Variants in SLC24A2 observed in about 807,000 individuals in gnomAD.
SLC24A2 encodes the protein solute carrier family 24 member 2, also known as sodium/potassium/calcium exchanger 2.
A neutral mutation model predicts 62.0 loss-of-function variants in SLC24A2; 36 were observed. The ratio of observed to expected loss-of-function variants is 0.58; its 90% CI spans 0.44 to 0.77. SLC24A2 has a LOEUF of 0.77. SLC24A2 is among the 30% of genes least tolerant of loss of function. The pLI, the probability that SLC24A2 is intolerant of heterozygous loss-of-function variation, is 0.00. For missense variants in SLC24A2, 846 were observed against 817.9 expected (o/e 1.03, Z -0.42); for synonymous variants, 358 against 294.0 (o/e 1.22, Z -2.23).
chr9:20,191,631 T>G, the SLC24A2 span, among the ~76,000 whole-genome samples: 1 of 151,408 alleles, frequency 6.6e-6, no homozygotes, highest in African/African-American at 2.4e-5. Context: ...CCTAAGAGAA[T>G]GTTCAGTGTG....
chr9:19,965,396 A>G, the SLC24A2 span, among the ~76,000 whole-genome samples: 1 of 152,148 alleles, frequency 6.6e-6, no homozygotes, highest in South Asian at 2.1e-4. Flanking sequence ...AAAGTATGGG[A>G]GTGGGGATCA....
chr9:19,618,296 A>T (rs1817820481), intron 4 of SLC24A2, among the ~76,000 whole-genome samples: 1 of 152,210 alleles, frequency 6.6e-6, no homozygotes, highest in Admixed American at 6.5e-5. Flanking sequence ...GCTCATGACC[A>T]GGTCTAACAT....
the SLC24A2 span, among the ~76,000 whole-genome samples, chr9:19,985,756 A>G: frequency 5.9e-5 from 9 of 152,268 alleles, no homozygotes; most frequent in African/African-American, 1.4e-4. Flanking sequence ...AAGATGATTT[A>G]CAAAAGCATT....
At chr9:19,952,035 C>G in the SLC24A2 span, among the ~76,000 whole-genome samples, 1 of 151,994 alleles carries the variant, frequency 6.6e-6, no homozygotes, top group Non-Finnish European at 1.5e-5. Flanking sequence ...GTGTGCAAGT[C>G]TTGCAGAATT....
chr9:19,748,439 G>A (rs1451322916), intron 2 of SLC24A2, among the ~76,000 whole-genome samples: 2 of 152,118 alleles, frequency 1.3e-5, no homozygotes, highest in South Asian at 2.1e-4. Context: ...TTGATGTAGT[G>A]GGGTAAGTGG....
intron 2 of SLC24A2, among the ~76,000 whole-genome samples, chr9:19,741,505 T>A (rs921925562): frequency 1.3e-5 from 2 of 152,120 alleles, no homozygotes; most frequent in African/African-American, 4.8e-5. Context: ...GCTGAGCAGC[T>A]CCCTCCTCAA....
intron 7 of SLC24A2, among the ~76,000 whole-genome samples, chr9:19,561,207 G>A (rs1835381759): frequency 6.6e-6 from 1 of 152,086 alleles, no homozygotes; most frequent in Non-Finnish European, 1.5e-5. Context: ...TGGGATTACA[G>A]GCGTGAGCCA....
the SLC24A2 span, among the ~76,000 whole-genome samples, chr9:19,825,744 A>AT: frequency 6.8e-3 from 1,020 of 150,826 alleles, 14 homozygotes; most frequent in African/African-American, 0.022. Flanking sequence ...ACTAGAACAG[A>AT]TTTTTTTTTT....
At chr9:19,764,769 AT>A (rs1258457516) in intron 2 of SLC24A2, among the ~76,000 whole-genome samples, 1 of 152,166 alleles carries the variant, frequency 6.6e-6, no homozygotes, top group Non-Finnish European at 1.5e-5. Context: ...AAGAATGTGT[AT>A]TCTGTTGATC....
intron 7 of SLC24A2, among the ~76,000 whole-genome samples, chr9:19,568,237 G>A (rs907477266): frequency 6.6e-6 from 1 of 152,162 alleles, no homozygotes; most frequent in Non-Finnish European, 1.5e-5. Flanking sequence ...TGACTCTGGA[G>A]GCCCAGCCCT....
At chr9:19,778,062 G>A (rs1220519916) in intron 2 of SLC24A2, among the ~76,000 whole-genome samples, 2 of 152,140 alleles carry the variant, frequency 1.3e-5, no homozygotes, top group Non-Finnish European at 2.9e-5. Context: ...TAAACATTGA[G>A]AGAATGCCAT....
intron 7 of SLC24A2, among the ~76,000 whole-genome samples, chr9:19,558,804 T>C (rs1835240465): frequency 6.6e-6 from 1 of 152,208 alleles, no homozygotes; most frequent in African/African-American, 2.4e-5. Flanking sequence ...TTGAAAATAC[T>C]CTCACTGACA....
chr9:19,942,373 A>G, the SLC24A2 span, among the ~76,000 whole-genome samples: 1 of 152,224 alleles, frequency 6.6e-6, no homozygotes, highest in African/African-American at 2.4e-5. Context: ...TGAAGTTTAG[A>G]GAGGGTGAAT....
intron 2 of SLC24A2, among the ~76,000 whole-genome samples, chr9:19,696,873 A>G (rs909548325): frequency 6.6e-6 from 1 of 152,174 alleles, no homozygotes; most frequent in African/African-American, 2.4e-5. Flanking sequence ...CCGTAATGGC[A>G]TCATTTTAGA....
At chr9:19,917,697 A>C in the SLC24A2 span, among the ~76,000 whole-genome samples, 1 of 152,098 alleles carries the variant, frequency 6.6e-6, no homozygotes. Flanking sequence ...TACTTAACAA[A>C]CGTTTCAATT....
chr9:19,785,927 C>A lies in SLC24A2; in HGVS notation c.930+10G>T. 1 of 1,614,116 alleles carries A rather than the reference C, an allele frequency of 6.2e-7. No individual in the cohort carries two copies. Among genetic ancestry groups the A allele is most frequent in the African/African-American group, 1.3e-5 (1 of 75,034 alleles). ...AGAAAAGCATTAAATAAAAATCCACCACCACCAACCTTTGCTTGGGCTTCT... is the reference window on the plus strand; with the variant it reads ...AGAAAAGCATTAAATAAAAATCCACAACCACCAACCTTTGCTTGGGCTTCT... On this transcript the variant is annotated intron_variant, in intron 2 of 10. Coordinates refer to ENST00000341998, the MANE Select transcript of SLC24A2 (RefSeq NM_020344.4).
the SLC24A2 span, among the ~76,000 whole-genome samples, chr9:20,106,936 G>C: frequency 6.6e-6 from 1 of 152,110 alleles, no homozygotes; most frequent in African/African-American, 2.4e-5. Flanking sequence ...ACATGATTGT[G>C]TATCTAGAAA....
At chr9:20,108,823 A>G in the SLC24A2 span, among the ~76,000 whole-genome samples, 1 of 152,304 alleles carries the variant, frequency 6.6e-6, no homozygotes, top group Admixed American at 6.5e-5. Context: ...CATTGTGCAC[A>G]TGTTCCCTAA....
At chr9:20,181,350 G>C in the SLC24A2 span, among the ~76,000 whole-genome samples, 27 of 152,186 alleles carry the variant, frequency 1.8e-4, no homozygotes, top group South Asian at 3.7e-3. Context: ...TGCTCTGGCG[G>C]AAACATAAAG....
Sources: gnomAD v4.1 joint callset for allele counts (sites outside exome capture counted in the v4.1 genomes callset) on GRCh38, gnomAD v4.1.1 for gene constraint, MANE v1.5 for transcripts, NCBI Gene and HGNC (gene_info 2026-07-23, HGNC 2026-07-21) for gene names.